SGCZ: variants seen among roughly 807,000 people sequenced by gnomAD.
SGCZ encodes the protein zeta-sarcoglycan.
SGCZ carries 40 observed loss-of-function variants against 41.3 expected under a neutral mutation model. That is an observed-to-expected ratio of 0.97 (90% CI 0.75 to 1.26). The LOEUF is 1.26. Ranked by LOEUF, SGCZ falls within the 50% of genes most tolerant of loss-of-function variation. The pLI is 0.00. For missense variants in SGCZ, 552 were observed against 369.8 expected (o/e 1.49, Z -4.04); for synonymous variants, 206 against 137.5 (o/e 1.50, Z -3.49).
In SGCZ at chr8:14,364,808, T is replaced by C. The variant is rs572389434; in HGVS notation, c.235-40604A>G. Among the ~76,000 whole-genome samples the C allele has an allele frequency of 6.6e-5, 10 of 152,258 alleles. No individual in the cohort carries two copies. The East Asian group carries it at 1.2e-3, about 18-fold the overall frequency. ...CATGTTTTTCCACTTGTCAATCGTT[T>C]ATAATCTTTGCCCATGGTGTTCTTC... On this transcript the variant is annotated intron_variant, in intron 2 of 7. Transcript: ENST00000382080.
At chr8:14,392,605 G>C (rs1804815643) in intron 2 of SGCZ, among the ~76,000 whole-genome samples, 1 of 152,082 alleles carries the variant, frequency 6.6e-6, no homozygotes. Flanking sequence ...CTGGTACCAG[G>C]TCTATTTTTA....
chr8:15,181,024 C>T (rs1800159641), intron 1 of SGCZ, among the ~76,000 whole-genome samples: 2 of 152,056 alleles, frequency 1.3e-5, no homozygotes, highest in Admixed American at 6.6e-5. Flanking sequence ...CAAACTATTG[C>T]CATCTTTCAA....
At chr8:15,233,040 A>G (rs1019881702) in intron 1 of SGCZ, among the ~76,000 whole-genome samples, 1 of 151,800 alleles carries the variant, frequency 6.6e-6, no homozygotes, top group Non-Finnish European at 1.5e-5. Context: ...ACTAGTTGCT[A>G]TTTTGTAAAG....
chr8:15,112,651 C>T lies in SGCZ; in HGVS notation c.39+124934G>A, dbSNP rs114957305. 2.2e-3 allele frequency among the ~76,000 whole-genome samples: 328 copies of T among 152,318 alleles called. 1 individual carries two copies. The highest frequency in any genetic ancestry group is 7.7e-3 in the African/African-American group (319 of 41,570). The stretch of plus-strand genomic sequence containing the variant: ...GATGCTTGTTATTGAAACACAGCCA[C>T]CATGCCGTGAGGAAGTCCAAGTAGC... On this transcript the variant is annotated intron_variant, in intron 1 of 7. Transcript: ENST00000382080.
rs1802194680 is a variant in SGCZ at position 14,823,794 on chromosome 8, C to A, written c.40-268868G>T. Reference sequence around the variant, plus strand: ...CTGGAGTTACATGTTTTTTGCAGCACTGCTCACCATAGACAAGACGGATAA... The same window carrying A: ...CTGGAGTTACATGTTTTTTGCAGCAATGCTCACCATAGACAAGACGGATAA... On this transcript the variant is annotated intron_variant, in intron 1 of 7. Coordinates refer to ENST00000382080, the MANE Select transcript of SGCZ (RefSeq NM_139167.4). Among the ~76,000 whole-genome samples, 3 of 152,224 alleles carry A rather than the reference C, an allele frequency of 2.0e-5. No homozygotes were observed. In the South Asian group the frequency reaches 6.2e-4, roughly 32 times the overall value.
intron 3 of SGCZ, among the ~76,000 whole-genome samples, chr8:14,279,409 T>C (rs1800345583): frequency 6.6e-6 from 1 of 152,050 alleles, no homozygotes; most frequent in Admixed American, 6.6e-5. Flanking sequence ...TGGGACATTT[T>C]GAACTCTTTA....
intron 2 of SGCZ, among the ~76,000 whole-genome samples, chr8:14,394,192 C>A (rs540405792): frequency 6.9e-6 from 1 of 144,452 alleles, no homozygotes; most frequent in South Asian, 2.2e-4. Flanking sequence ...ACTCTGTTGC[C>A]CAGGCTGGAG....
At chr8:14,481,202 A>G (rs1302110540) in intron 2 of SGCZ, among the ~76,000 whole-genome samples, 1 of 152,198 alleles carries the variant, frequency 6.6e-6, no homozygotes, top group Non-Finnish European at 1.5e-5. Flanking sequence ...TATGATGCTT[A>G]ATTTTGGTAA....
At chr8:14,736,036 A>G (rs1031043700) in intron 1 of SGCZ, among the ~76,000 whole-genome samples, 1 of 152,128 alleles carries the variant, frequency 6.6e-6, no homozygotes, top group Non-Finnish European at 1.5e-5. Context: ...AAATCACATC[A>G]CAGGATGTGA....
intron 4 of SGCZ, among the ~76,000 whole-genome samples, chr8:14,203,935 G>C (rs902355579): frequency 3.8e-4 from 58 of 151,756 alleles, no homozygotes; most frequent in African/African-American, 1.3e-3. Flanking sequence ...ATAAATATAT[G>C]GAGAGGGGAG....
At chr8:14,530,110 C>T (rs780097457) in intron 2 of SGCZ, among the ~76,000 whole-genome samples, 1 of 151,940 alleles carries the variant, frequency 6.6e-6, no homozygotes. Context: ...TTCCAGTATA[C>T]AAAACCATGC....
At chr8:14,737,163 C>G (rs530038163) in intron 1 of SGCZ, among the ~76,000 whole-genome samples, 1 of 138,016 alleles carries the variant, frequency 7.2e-6, no homozygotes, top group African/African-American at 2.9e-5. Context: ...ATCTATATAC[C>G]AGATATATAT....
rs1801553719 is a variant in SGCZ, at chr8:14,087,439, T to C, written c.*3004A>G. On this transcript the variant is annotated 3_prime_UTR_variant, in exon 8 of 8. Transcript: ENST00000382080. Reference sequence around the variant, plus strand: ...GGTTTATCCATTCCTGGCAAATAACTTAAATGCTAGCAAAACTACCAACCT... The same window carrying C: ...GGTTTATCCATTCCTGGCAAATAACCTAAATGCTAGCAAAACTACCAACCT... Among the ~76,000 whole-genome samples the C allele has an allele frequency of 6.6e-6, 1 of 151,698 alleles. No individual in the cohort carries two copies. Among genetic ancestry groups the C allele is most frequent in the Admixed American group, 6.6e-5 (1 of 15,176 alleles).
At chr8:15,133,585 G>T (rs1807995872) in intron 1 of SGCZ, among the ~76,000 whole-genome samples, 1 of 152,108 alleles carries the variant, frequency 6.6e-6, no homozygotes, top group African/African-American at 2.4e-5. Flanking sequence ...AGATTCATTT[G>T]CAGTATCTCA....
chr8:14,208,107 T>G (rs1262996272), intron 4 of SGCZ, among the ~76,000 whole-genome samples: 5 of 152,220 alleles, frequency 3.3e-5, no homozygotes, highest in Non-Finnish European at 5.9e-5. Context: ...ATGTACTTCC[T>G]ACTAACCATG....
At chr8:14,791,030 C>CA (rs147796186) in intron 1 of SGCZ, among the ~76,000 whole-genome samples, 17,639 of 111,726 alleles carry the variant, frequency 0.16, 1,662 homozygotes, top group African/African-American at 0.31. Context: ...GACTCTGTCT[C>CA]AAAAAAAAAA....
At chr8:14,842,268 G>A (rs138061494) in intron 1 of SGCZ, among the ~76,000 whole-genome samples, 5 of 151,964 alleles carry the variant, frequency 3.3e-5, no homozygotes, top group Non-Finnish European at 7.4e-5. Flanking sequence ...TGAAGGATAA[G>A]TGAAAGAAAA....
chr8:14,817,163 G>A (rs543911074), intron 1 of SGCZ, among the ~76,000 whole-genome samples: 11 of 152,222 alleles, frequency 7.2e-5, no homozygotes, highest in African/African-American at 2.2e-4. Flanking sequence ...TTTCCTTAAG[G>A]GAGACTGCCT....
intron 1 of SGCZ, among the ~76,000 whole-genome samples, chr8:15,180,729 CA>C (rs2117086175): frequency 6.6e-6 from 1 of 151,696 alleles, no homozygotes; most frequent in Non-Finnish European, 1.5e-5. Context: ...ATTAAAAATA[CA>C]AACAAAATTA....
Sources: allele counts gnomAD v4.1 joint callset (sites outside exome capture counted in the v4.1 genomes callset), GRCh38; gene constraint gnomAD v4.1.1; transcripts MANE v1.5; gene names NCBI Gene and HGNC (gene_info 2026-07-23, HGNC 2026-07-21).